USH2A: variants seen among roughly 807,000 people sequenced by gnomAD.
USH2A encodes the protein usherin.
Under a neutral mutation model 538.9 loss-of-function variants are expected in USH2A, and 443 were observed. The observed-to-expected ratio is 0.82, with a 90% CI of 0.76 to 0.89. USH2A has a LOEUF of 0.89. Ranked by LOEUF, USH2A falls within the 40% of genes least tolerant of loss-of-function variation. The probability of loss-of-function intolerance (pLI) is 0.00; values close to 1 mark genes in which losing one functional copy is unlikely to be tolerated. For missense variants in USH2A, 6,633 were observed against 6,324.8 expected (o/e 1.05, Z -1.65); for synonymous variants, 2,413 against 2,273.5 (o/e 1.06, Z -1.75).
Position 216,196,686 on chromosome 1 carries a change from AG to A in USH2A, c.4117del (p.Leu1373SerfsTer59). ...VFMIPPSVFPLSSYSLNISWE... is the reference protein window; with the variant it reads ...VFMIPPSVFPXSSYSLNISWE... ...GGAGATATTGAGAGAGTACGAAGAGAGGGGAAAGACTGAAGGAGGGATCATG... is the reference window on the plus strand; with the variant it reads ...GGAGATATTGAGAGAGTACGAAGAGAGGGAAAGACTGAAGGAGGGATCATG... On this transcript the variant is annotated frameshift_variant, in exon 19 of 72. Transcript: ENST00000307340. LOFTEE classifies it high-confidence loss of function. The A allele has an allele frequency of 6.2e-7, 1 of 1,613,412 alleles. No individual in the cohort carries two copies. The highest frequency in any genetic ancestry group is 2.2e-5 in the East Asian group (1 of 44,716).
intron 3 of USH2A, among the ~76,000 whole-genome samples, chr1:216,375,484 G>A (rs372035562): frequency 2.6e-5 from 4 of 152,182 alleles, no homozygotes; most frequent in African/African-American, 9.6e-5. Flanking sequence ...TTCTTTTGTA[G>A]CTTGCTCACT....
chr1:215,704,164 T>G (rs955335738), intron 61 of USH2A, among the ~76,000 whole-genome samples: 1 of 152,190 alleles, frequency 6.6e-6, no homozygotes, highest in Admixed American at 6.5e-5. Flanking sequence ...CCAGTCCCAG[T>G]GGGATGAACC....
At chr1:215,858,589 T>C (rs973478255) in intron 44 of USH2A, among the ~76,000 whole-genome samples, 5 of 151,208 alleles carry the variant, frequency 3.3e-5, no homozygotes, top group African/African-American at 9.8e-5. Context: ...TAAACCTTTT[T>C]CCTTTATAAA....
In USH2A at chr1:216,084,864, T is replaced by C; in HGVS notation, c.5001A>G (p.Lys1667=). The C allele has an allele frequency of 6.2e-7, 1 of 1,613,008 alleles. No individual in the cohort carries two copies. Among genetic ancestry groups the C allele is most frequent in the Non-Finnish European group, 8.5e-7 (1 of 1,179,300 alleles). The change falls in exon 25 of 72, where the codon AAA becomes AAG. Residue 1667 remains lysine (K), a synonymous_variant. Coordinates refer to ENST00000307340, the MANE Select transcript of USH2A (RefSeq NM_206933.4). ...ILRKDPEIIQ[K]GFVGCLKDVH... is the part of the protein sequence containing the mutation. ...CATCCTTGAGACAGCCCACAAAACC[T>C]TTTTGGATTATCTCTGCAGGAGTTT...
intron 55 of USH2A, among the ~76,000 whole-genome samples, chr1:215,770,942 TAA>T (rs59409812): frequency 0.25 from 16,064 of 65,428 alleles, 1,193 homozygotes; most frequent in East Asian, 0.38. Flanking sequence ...CCGTCTCTAC[TAA>T]AAAAAAAAAA....
chr1:216,106,216 ATAAATATATAT>A (rs2032728124), intron 21 of USH2A, among the ~76,000 whole-genome samples: 1 of 147,434 alleles, frequency 6.8e-6, no homozygotes, highest in South Asian at 2.1e-4. Flanking sequence ...AGTATATATA[ATAAATATATAT>A]TAAATATATA....
intron 67 of USH2A, among the ~76,000 whole-genome samples, chr1:215,642,233 G>GACAT (rs1199096359): frequency 6.6e-6 from 1 of 152,168 alleles, no homozygotes; most frequent in Non-Finnish European, 1.5e-5. Context: ...CCTAGCTTTT[G>GACAT]ACATACTTTA....
chr1:216,302,876 A>T (rs1209157825), intron 9 of USH2A, among the ~76,000 whole-genome samples: 1 of 152,062 alleles, frequency 6.6e-6, no homozygotes, highest in Non-Finnish European at 1.5e-5. Flanking sequence ...TTCAGTCTAC[A>T]TGTTGTCTAT....
chr1:215,994,090 T>A (rs1218335090), intron 34 of USH2A, among the ~76,000 whole-genome samples: 1 of 152,266 alleles, frequency 6.6e-6, no homozygotes, highest in South Asian at 2.1e-4. Context: ...TGGTTCAGTA[T>A]CTCTTCAAGT....
Position 216,288,396 on chromosome 1 carries a change from T to C in USH2A, c.1971+884A>G, listed in dbSNP as rs183128279. ...ACTCTGAAGGTCTTTGAATCCATAT[T>C]TTGTCTTGGTTTATATTTGTCTTTT... On this transcript the variant is annotated intron_variant, in intron 11 of 71. Transcript: ENST00000307340. Among the ~76,000 whole-genome samples, 10 of 152,224 alleles carry C rather than the reference T, an allele frequency of 6.6e-5. No individual in the cohort carries two copies. The East Asian group carries it at 1.9e-3, about 29-fold the overall frequency.
At chr1:216,130,023 A>G (rs2102601425) in intron 21 of USH2A, among the ~76,000 whole-genome samples, 1 of 152,198 alleles carries the variant, frequency 6.6e-6, no homozygotes, top group East Asian at 1.9e-4. Flanking sequence ...GAATAAAACT[A>G]GAATGCTATC....
intron 62 of USH2A, 65 bp downstream of exon 62, chr1:215,680,084 T>G: frequency 6.6e-7 from 1 of 1,519,896 alleles, no homozygotes; most frequent in Non-Finnish European, 9.1e-7. Context: ...CCTGATGGCA[T>G]GTCAGGGCTC....
At chr1:215,792,368 C>T (rs1032230145) in intron 50 of USH2A, among the ~76,000 whole-genome samples, 5 of 152,144 alleles carry the variant, frequency 3.3e-5, no homozygotes, top group African/African-American at 1.2e-4. Flanking sequence ...AGAAGTGACT[C>T]CCTTTTTAGA....
At chr1:215,751,907 A>C (rs770929336) in intron 58 of USH2A, among the ~76,000 whole-genome samples, 12 of 152,180 alleles carry the variant, frequency 7.9e-5, no homozygotes, top group Non-Finnish European at 1.8e-4. Context: ...AACATTGTGC[A>C]GCTTGCCCAA....
intron 58 of USH2A, 49 bp from the exon 59 acceptor site, chr1:215,743,384 ATATGTG>A (rs1242427832): frequency 6.5e-5 from 29 of 449,236 alleles, no homozygotes; most frequent in Admixed American, 1.0e-4. Flanking sequence ...ATATATATAT[ATATGTG>A]TGTGTGTGTG....
At chr1:216,003,928 A>G (rs888490770) in intron 32 of USH2A, among the ~76,000 whole-genome samples, 3 of 152,174 alleles carry the variant, frequency 2.0e-5, no homozygotes, top group Non-Finnish European at 4.4e-5. Context: ...GGGGGCCAGT[A>G]ATAATCAAGT....
intron 11 of USH2A, among the ~76,000 whole-genome samples, chr1:216,279,645 T>G (rs1362707121): frequency 1.3e-5 from 2 of 152,072 alleles, no homozygotes; most frequent in Non-Finnish European, 1.5e-5. Context: ...ACATGTGCAT[T>G]AAAAGTTTGA....
At chr1:216,185,906 A>G (rs887095838) in intron 20 of USH2A, among the ~76,000 whole-genome samples, 8 of 151,946 alleles carry the variant, frequency 5.3e-5, no homozygotes, top group African/African-American at 1.9e-4. Flanking sequence ...GTATTCAAAT[A>G]AAAGCAAATA....
chr1:216,378,982 T>A (rs1365229431), intron 3 of USH2A, among the ~76,000 whole-genome samples: 1 of 152,196 alleles, frequency 6.6e-6, no homozygotes, highest in Admixed American at 6.5e-5. Context: ...AAGGCAGGTA[T>A]GCAATACAAC....
Sources: gnomAD v4.1 joint callset for allele counts (sites outside exome capture counted in the v4.1 genomes callset) on GRCh38, gnomAD v4.1.1 for gene constraint, MANE v1.5 for transcripts, NCBI Gene and HGNC (gene_info 2026-07-23, HGNC 2026-07-21) for gene names.